NEIL3: variants seen among roughly 807,000 people sequenced by gnomAD.
The protein encoded by NEIL3 is endonuclease 8-like 3.
NEIL3 carries 48 observed loss-of-function variants against 57.5 expected under a neutral mutation model. The observed-to-expected ratio is 0.83, with a 90% CI of 0.66 to 1.06. NEIL3 has a LOEUF of 1.06. Among genes scored for constraint, NEIL3 ranks in the 50% least tolerant of loss-of-function variants. The probability of loss-of-function intolerance (pLI) is 0.00; values close to 1 mark genes in which losing one functional copy is unlikely to be tolerated. For synonymous variants in NEIL3, 261 were observed against 253.2 expected (o/e 1.03, Z -0.29); for missense variants, 717 against 739.1 (o/e 0.97, Z 0.35).
intron 2 of NEIL3, among the ~76,000 whole-genome samples, chr4:177,333,693 T>A (rs1327131968): frequency 6.6e-6 from 1 of 152,218 alleles, no homozygotes; most frequent in African/African-American, 2.4e-5. Context: ...GCTTTGCTGG[T>A]GCTCACATCG....
At chr4:177,327,344 G>GT (rs1734801763) in intron 2 of NEIL3, among the ~76,000 whole-genome samples, 1 of 151,932 alleles carries the variant, frequency 6.6e-6, no homozygotes, top group Non-Finnish European at 1.5e-5. Flanking sequence ...TATACTTTTA[G>GT]TATTTTCTAT....
Position 177,341,459 on chromosome 4 carries a change from G to GTTTTT in NEIL3, c.703-7_703-3dup. ...GTTTTGTGGATAACAGAATTTTTTG[G>GTTTTT]TTTTTTTTTTTTTTAGTGCCGTAAA... On this transcript the variant is annotated splice_polypyrimidine_tract_variant and intron_variant, in intron 5 of 9. Coordinates refer to ENST00000264596, the MANE Select transcript of NEIL3 (RefSeq NM_018248.3). The GTTTTT allele has an allele frequency of 2.8e-6, 4 of 1,440,852 alleles. No homozygotes were observed. Among genetic ancestry groups the GTTTTT allele is most frequent in the South Asian group, 2.7e-5 (2 of 74,588 alleles). 89.3% of individuals were successfully genotyped at this position (1,440,852 alleles called of 1,614,324 possible).
Position 177,337,030 on chromosome 4 carries a change from G to C in NEIL3, c.627+709G>C, listed in dbSNP as rs1211170517. Among the ~76,000 whole-genome samples the C allele has an allele frequency of 2.0e-5, 3 of 151,830 alleles. No homozygotes were observed. In the East Asian group the frequency reaches 5.8e-4, roughly 29 times the overall value. On this transcript the variant is annotated intron_variant, in intron 4 of 9. Coordinates refer to ENST00000264596, the MANE Select transcript of NEIL3 (RefSeq NM_018248.3). ...GAGGGGATTCCAGGGCAAGACATGA[G>C]TTGGTTATTTTATTTTTTTTCTTGT...
intron 2 of NEIL3, among the ~76,000 whole-genome samples, chr4:177,333,300 G>A (rs1395724523): frequency 2.6e-5 from 4 of 152,000 alleles, no homozygotes; most frequent in Admixed American, 6.6e-5. Flanking sequence ...TGGAGAATAC[G>A]GCTGATTCTT....
At chr4:177,330,454 C>T (rs530416921) in intron 2 of NEIL3, among the ~76,000 whole-genome samples, 1 of 151,912 alleles carries the variant, frequency 6.6e-6, no homozygotes, top group South Asian at 2.1e-4. Flanking sequence ...GCTAATTAAA[C>T]CCAAAACAGA....
At chr4:177,366,545 C>T (rs1735695865), downstream of NEIL3, among the ~76,000 whole-genome samples, 1 of 152,148 alleles carries the variant, frequency 6.6e-6, no homozygotes, top group Admixed American at 6.5e-5. Context: ...ATTACAAGCA[C>T]CTGCCACCAC....
rs1264348125 is a variant in NEIL3 at position 177,362,600 on chromosome 4, CTTT to C, written c.*136_*138del. 1.2e-5 allele frequency: 8 copies of C among 659,666 alleles called. No individual in the cohort carries two copies. Among genetic ancestry groups the C allele is most frequent in the South Asian group, 1.2e-4 (4 of 34,230 alleles). The allele number at this position is 659,666 out of a possible 1,614,324, so 40.9% of individuals were successfully genotyped here. ...GTTACTGCAATATTTGAGAACTGTT[CTTT>C]TTTTTTCTTGTGTGTGCCATCTTTC... On this transcript the variant is annotated 3_prime_UTR_variant, in exon 10 of 10. Coordinates refer to ENST00000264596, the MANE Select transcript of NEIL3 (RefSeq NM_018248.3).
chr4:177,319,305 C>T (rs1734630782), intron 1 of NEIL3, among the ~76,000 whole-genome samples: 1 of 152,050 alleles, frequency 6.6e-6, no homozygotes, highest in South Asian at 2.1e-4. Flanking sequence ...TGAGTGCAGG[C>T]CAGTCAGATG....
intron 4 of NEIL3, among the ~76,000 whole-genome samples, chr4:177,337,409 CA>C (rs1426419331): frequency 6.6e-6 from 1 of 151,682 alleles, no homozygotes; most frequent in Non-Finnish European, 1.5e-5. Flanking sequence ...TAGTAATACC[CA>C]AATCAGTAGG....
chr4:177,328,678 T>TA (rs1314836337), intron 2 of NEIL3, among the ~76,000 whole-genome samples: 1 of 152,196 alleles, frequency 6.6e-6, no homozygotes, highest in East Asian at 1.9e-4. Flanking sequence ...CAAGAAAAGT[T>TA]AAAGTCTGTC....
intron 1 of NEIL3, among the ~76,000 whole-genome samples, chr4:177,322,192 G>A (rs936983161): frequency 6.6e-6 from 1 of 152,080 alleles, no homozygotes; most frequent in East Asian, 1.9e-4. Flanking sequence ...GAGCTATATG[G>A]TCCTGGAAGA....
At chr4:177,366,961 A>G (rs1735701059), downstream of NEIL3, among the ~76,000 whole-genome samples, 1 of 152,080 alleles carries the variant, frequency 6.6e-6, no homozygotes, top group Non-Finnish European at 1.5e-5. Context: ...TTCAGTTATT[A>G]TATTTTCCAT....
intron 1 of NEIL3, among the ~76,000 whole-genome samples, chr4:177,314,311 G>A (rs773401529): frequency 1.3e-5 from 2 of 152,144 alleles, no homozygotes; most frequent in Admixed American, 6.5e-5. Context: ...GGCCATTGTA[G>A]CTTTTTATCC....
chr4:177,322,597 C>CGATACA lies in NEIL3; in HGVS notation c.278+18_278+23dup. 1 of 1,613,458 alleles carries CGATACA rather than the reference C, an allele frequency of 6.2e-7. No individual in the cohort carries two copies. The highest frequency in any genetic ancestry group is 8.5e-7 in the Non-Finnish European group (1 of 1,179,566). ...AGCTTTACGGTAAGATAAGCCTGTACGATACATCTTATCTCTCTATATTTA... is the reference window on the plus strand; with the variant it reads ...AGCTTTACGGTAAGATAAGCCTGTACGATACAGATACATCTTATCTCTCTATATTTA... On this transcript the variant is annotated intron_variant, in intron 2 of 9. Coordinates refer to ENST00000264596, the MANE Select transcript of NEIL3 (RefSeq NM_018248.3).
At chr4:177,336,470 G>A (rs1734981660) in intron 4 of NEIL3, 149 bp downstream of exon 4, 1 of 652,914 alleles carries the variant, frequency 1.5e-6, no homozygotes, top group Non-Finnish European at 2.6e-6. Context: ...CAATTTCTCA[G>A]TGCAGCCGGC....
At chr4:177,362,198 C>A in intron 9 of NEIL3, 91 bp from the exon 10 acceptor site, 3 of 853,414 alleles carry the variant, frequency 3.5e-6, no homozygotes, top group Non-Finnish European at 5.2e-6. Flanking sequence ...GCAGTGAAGA[C>A]TATATGGCAC....
At position 177,322,555 on chromosome 4, in the gene NEIL3, A is replaced by C; in HGVS notation, c.253A>C (p.Met85Leu). 6.2e-7 allele frequency: 1 copy of C among 1,613,898 alleles called. No individual in the cohort carries two copies. The highest frequency in any genetic ancestry group is 1.1e-5 in the South Asian group (1 of 91,076). ...GVETLGKELFMYFGPKALRIH... is the reference protein window; with the variant it reads ...GVETLGKELFLYFGPKALRIH... Reference sequence around the variant, plus strand: ...GGAAACTTTGGGGAAGGAGCTCTTTATGTACTTTGGACCAAAAGCTTTACG... The same window carrying C: ...GGAAACTTTGGGGAAGGAGCTCTTTCTGTACTTTGGACCAAAAGCTTTACG... The change falls in exon 2 of 10, where the codon ATG becomes CTG. Residue 85 changes from methionine to leucine, a missense_variant. Transcript: ENST00000264596.
intron 8 of NEIL3, chr4:177,357,025 G>A (rs1171828463): frequency 6.6e-6 from 1 of 152,172 alleles, no homozygotes. Flanking sequence ...TTGAAGATCT[G>A]TCTTTAATCA....
intron 8 of NEIL3, 123 bp downstream of exon 8, chr4:177,353,851 T>C (rs1579006668): frequency 8.6e-6 from 7 of 814,314 alleles, no homozygotes; most frequent in Non-Finnish European, 1.4e-5. Context: ...CTGCAACCTC[T>C]GCCTCCCGCG....
Sources: gnomAD v4.1 joint callset for allele counts (sites outside exome capture counted in the v4.1 genomes callset) on GRCh38, gnomAD v4.1.1 for gene constraint, MANE v1.5 for transcripts, NCBI Gene and HGNC (gene_info 2026-07-23, HGNC 2026-07-21) for gene names.